Variants in ZNF816 observed in about 807,000 individuals in gnomAD.
The protein encoded by ZNF816 is zinc finger protein 816.
Under a neutral mutation model 8.3 loss-of-function variants are expected in ZNF816, and 11 were observed. That is an observed-to-expected ratio of 1.32 (90% CI 0.83 to 2.19). The LOEUF (loss-of-function observed/expected upper bound fraction) is 2.19, where lower values mean the gene tolerates loss of function less well. Ranked by LOEUF, ZNF816 falls within the 30% of genes most tolerant of loss-of-function variation. The probability of loss-of-function intolerance (pLI) is 0.00; values close to 1 mark genes in which losing one functional copy is unlikely to be tolerated. For missense variants in ZNF816, 710 were observed against 779.3 expected (o/e 0.91, Z 1.06); for synonymous variants, 255 against 254.5 (o/e 1.00, Z -0.02).
intron 3 of ZNF816, chr19:52,952,041 T>TGTTATGTGATGAA: frequency 2.5e-6 from 1 of 395,858 alleles, no homozygotes; most frequent in Admixed American, 4.3e-5. Context: ...ACTGTCACAG[T>TGTTATGTGATGAA]GCTAGTGAGA....
At position 52,950,189 on chromosome 19, in the gene ZNF816, C is replaced by A. The variant is rs530236102; in HGVS notation, c.1586G>T (p.Arg529Ile). The change falls in exon 4 of 4, where the codon AGA becomes ATA. Residue 529 changes from arginine (R) to isoleucine (I), a missense_variant. Transcript: ENST00000444460. ...GTATGGTTTTTCCCCAGTATGAATT[C>A]TCCTATGTCTTTCAAGGTGTGATCT... is the stretch of plus-strand genomic sequence containing the variant. ...SRRSHLERHR[R>I]IHTGEKPYKC... is the part of the protein sequence containing the mutation. 3.1e-6 allele frequency: 5 copies of A among 1,612,146 alleles called. No individual in the cohort carries two copies. In the African/African-American group the frequency reaches 5.4e-5, roughly 17 times the overall value.
chr19:52,960,797 T>C lies in ZNF816; in HGVS notation c.-16+1930A>G, dbSNP rs117695884. Among the ~76,000 whole-genome samples, 1,473 of 152,158 alleles carry C rather than the reference T, an allele frequency of 9.7e-3. 16 individuals carry two copies. Among genetic ancestry groups the C allele is most frequent in the South Asian group, 0.014 (69 of 4,818 alleles). On this transcript the variant is annotated intron_variant, in intron 1 of 3. Transcript: ENST00000444460. Reference sequence around the variant, plus strand: ...CCGGCCTGGATCCACCACAGCCATATAAAACCTGCAGCGCCTGAAACCTGG... The same window carrying C: ...CCGGCCTGGATCCACCACAGCCATACAAAACCTGCAGCGCCTGAAACCTGG...
chr19:52,953,273 G>A (rs1403897550), intron 2 of ZNF816: 2 of 290,994 alleles, frequency 6.9e-6, no homozygotes, highest in Admixed American at 4.3e-5. Flanking sequence ...CACGCCTCTA[G>A]TCCCAGCTAC....
At chr19:52,955,681 C>T (rs994188624) in intron 2 of ZNF816, among the ~76,000 whole-genome samples, 10 of 152,204 alleles carry the variant, frequency 6.6e-5, no homozygotes, top group Non-Finnish European at 4.4e-5. Context: ...TATACAGTTT[C>T]TCTGATCTGG....
chr19:52,951,362 C>T lies in ZNF816; in HGVS notation c.413G>A (p.Ser138Asn). The part of the protein sequence containing the change: ...PMTKIKKLTG[S>N]TDRSDHRHAG... The stretch of plus-strand genomic sequence containing the variant: ...ATGCCTGTGATCACTTCGGTCTGTA[C>T]TACCAGTCAACTTTTTGATTTTTGT... Residue 138 changes from serine (S) to asparagine (N), a missense_variant, in exon 4 of 4, where the codon AGT becomes AAT. Physicochemically the swap from Ser to Asn is conservative, Grantham distance 46. Transcript: ENST00000444460. 1 of 1,614,172 alleles carries T rather than the reference C, an allele frequency of 6.2e-7. No individual in the cohort carries two copies. Among genetic ancestry groups the T allele is most frequent in the Non-Finnish European group, 8.5e-7 (1 of 1,179,996 alleles).
chr19:52,956,282 G>A, intron 1 of ZNF816, 178 bp from the exon 2 acceptor site: 1 of 659,924 alleles, frequency 1.5e-6, no homozygotes, highest in Non-Finnish European at 2.4e-6. Flanking sequence ...ATGTAATTTT[G>A]ACCCGTTTTC....
rs2083448763 is a variant in ZNF816, at chr19:52,950,635, C to T, written c.1140G>A (p.Gln380=). 6.2e-7 allele frequency: 1 copy of T among 1,613,930 alleles called. No individual in the cohort carries two copies. Among genetic ancestry groups the T allele is most frequent in the Admixed American group, 1.7e-5 (1 of 59,988 alleles). ...TATGATGGCATTGAAGGGATGATTT[C>T]TGACTGAAGGTCTTGCCACACTCAT... ...KCNECGKTFS[Q]KSSLQCHHIL... The change falls in exon 4 of 4, where the codon CAG becomes CAA. Residue 380 remains glutamine, a synonymous_variant. Transcript: ENST00000444460.
At chr19:52,954,837 T>C (rs113184127) in intron 2 of ZNF816, among the ~76,000 whole-genome samples, 1,759 of 135,550 alleles carry the variant, frequency 0.013, 36 homozygotes, top group African/African-American at 0.048. Flanking sequence ...AAAAACCCCA[T>C]TCATCAAATA....
At chr19:52,960,195 C>T (rs1225674439) in intron 1 of ZNF816, 9 of 237,794 alleles carry the variant, frequency 3.8e-5, no homozygotes, top group Admixed American at 1.0e-4. Context: ...CAGCACAATG[C>T]GAGGCAGGGT....
intron 2 of ZNF816, chr19:52,953,248 C>A (rs774962770): frequency 6.8e-5 from 17 of 248,860 alleles, no homozygotes; most frequent in East Asian, 1.5e-4. Flanking sequence ...AAAAAAAAAA[C>A]CAGGTGTGGT....
At chr19:52,954,026 CTG>C in intron 2 of ZNF816, among the ~76,000 whole-genome samples, 1 of 126,238 alleles carries the variant, frequency 7.9e-6, no homozygotes, top group African/African-American at 3.6e-5. Flanking sequence ...GAGCAACAGA[CTG>C]AGACTCTTTC....
At chr19:52,951,893 T>C (rs920554092) in intron 3 of ZNF816, 12 of 414,692 alleles carry the variant, frequency 2.9e-5, no homozygotes, top group African/African-American at 2.5e-4. Flanking sequence ...AGCAAAATTC[T>C]GTGTAGAAAA....
intron 1 of ZNF816, among the ~76,000 whole-genome samples, chr19:52,958,648 C>T (rs1336395120): frequency 1.3e-5 from 2 of 152,108 alleles, no homozygotes; most frequent in Admixed American, 6.6e-5. Context: ...ATAAGTTGTC[C>T]AAGAAGAAAG....
chr19:52,958,538 T>G (rs575514200), intron 1 of ZNF816, among the ~76,000 whole-genome samples: 1 of 152,248 alleles, frequency 6.6e-6, no homozygotes, highest in African/African-American at 2.4e-5. Context: ...AGGCTGCGCA[T>G]TGCTCCAGTA....
In ZNF816 at chr19:52,949,537, G is replaced by T; in HGVS notation, c.*282C>A. The T allele has an allele frequency of 1.5e-6, 1 of 647,636 alleles. No individual in the cohort carries two copies. The highest frequency in any genetic ancestry group is 2.9e-6 in the Non-Finnish European group (1 of 342,792). 40.1% of individuals were successfully genotyped at this position (647,636 alleles called of 1,614,324 possible). A position where few individuals can be genotyped will look rare whatever the true frequency, so the allele number is the denominator to read the frequency against. On this transcript the variant is annotated 3_prime_UTR_variant, in exon 4 of 4. Transcript: ENST00000444460. ...TATGAATTCTCTGATGTCTAATGAG[G>T]TGTGAACATGAAGTAAAGGCTTTGC... is the stretch of plus-strand genomic sequence containing the variant.
At chr19:52,955,470 T>C (rs556567638) in intron 2 of ZNF816, among the ~76,000 whole-genome samples, 5 of 152,294 alleles carry the variant, frequency 3.3e-5, no homozygotes, top group African/African-American at 9.6e-5. Context: ...TGCTGTAAAC[T>C]AGAATTGTGC....
chr19:52,953,982 A>G (rs561061067), intron 2 of ZNF816, among the ~76,000 whole-genome samples: 1 of 150,298 alleles, frequency 6.7e-6, no homozygotes, highest in Non-Finnish European at 1.5e-5. Flanking sequence ...CAGGGGTTGC[A>G]GTAAGCCAAG....
At chr19:52,953,737 T>TTATATATATATATATAATATATATTTTA (rs201923009) in intron 2 of ZNF816, among the ~76,000 whole-genome samples, 2 of 139,148 alleles carry the variant, frequency 1.4e-5, no homozygotes, top group Admixed American at 7.7e-5. Flanking sequence ...AATATATATT[T>TTATATATATATATATAATATATATTTTA]TATATATATA....
chr19:52,953,085 T>G (rs1435309986), intron 2 of ZNF816, among the ~76,000 whole-genome samples: 1 of 152,054 alleles, frequency 6.6e-6, no homozygotes, highest in East Asian at 1.9e-4. Context: ...TAAGTCACTG[T>G]GGAAGTCTCA....
Sources: gnomAD v4.1 joint callset for allele counts (sites outside exome capture counted in the v4.1 genomes callset) on GRCh38, gnomAD v4.1.1 for gene constraint, MANE v1.5 for transcripts, NCBI Gene and HGNC (gene_info 2026-07-23, HGNC 2026-07-21) for gene names.